Variants in FERMT2 observed in about 807,000 individuals in gnomAD.
FERMT2 encodes the protein FERM domain containing kindlin 2.
In FERMT2, 15 loss-of-function variants were observed where a neutral mutation model predicts 82.7. That is an observed-to-expected ratio of 0.18 (90% CI 0.12 to 0.28). FERMT2 has a LOEUF of 0.28. Ranked by LOEUF, FERMT2 falls within the 10% of genes least tolerant of loss-of-function variation. The probability of loss-of-function intolerance (pLI) is 1.00; values close to 1 mark genes in which losing one functional copy is unlikely to be tolerated. For missense variants in FERMT2, 645 were observed against 809.4 expected, an observed-to-expected ratio of 0.80 and a Z score of 2.46; for synonymous variants, 274 against 271.5, an observed-to-expected ratio of 1.01 and a Z score of -0.09.
intron 8 of FERMT2, among the ~76,000 whole-genome samples, chr14:52,874,976 C>G (rs1268214602): frequency 6.6e-6 from 1 of 152,054 alleles, no homozygotes; most frequent in African/African-American, 2.4e-5. Flanking sequence ...ATGGCTTGAG[C>G]CCTGGAGTTT....
chr14:52,881,747 G>A (rs1194082362), intron 4 of FERMT2: 6 of 1,334,148 alleles, frequency 4.5e-6, no homozygotes, highest in Non-Finnish European at 2.0e-6. Flanking sequence ...GGATATAGCT[G>A]AAGCAGACAG....
chr14:52,906,311 G>A (rs1356279345), intron 3 of FERMT2, among the ~76,000 whole-genome samples: 1 of 152,188 alleles, frequency 6.6e-6, no homozygotes, highest in Non-Finnish European at 1.5e-5. Flanking sequence ...TTCCTGTCAA[G>A]GAGAACAGAA....
At chr14:52,894,992 T>C (rs1887177009) in intron 3 of FERMT2, among the ~76,000 whole-genome samples, 1 of 151,722 alleles carries the variant, frequency 6.6e-6, no homozygotes, top group African/African-American at 2.4e-5. Flanking sequence ...CACACATATC[T>C]GACAAAAGTC....
intron 3 of FERMT2, among the ~76,000 whole-genome samples, chr14:52,900,532 A>G (rs1344121556): frequency 1.3e-5 from 2 of 152,198 alleles, no homozygotes; most frequent in East Asian, 1.9e-4. Context: ...ATAAACCTAT[A>G]AGGGCCCCCA....
chr14:52,948,028 C>A (rs1007323156), intron 2 of FERMT2, among the ~76,000 whole-genome samples: 23 of 152,180 alleles, frequency 1.5e-4, no homozygotes, highest in Admixed American at 1.5e-3. Context: ...GCTCTGGTGT[C>A]TTCTGTTCAT....
chr14:52,859,714 C>T lies in FERMT2; in HGVS notation c.1728G>A (p.Arg576=), dbSNP rs773491542. 1 of 1,563,150 alleles carries T rather than the reference C, an allele frequency of 6.4e-7. No homozygotes were observed. Among genetic ancestry groups the T allele is most frequent in the African/African-American group, 1.4e-5 (1 of 72,980 alleles). Residue 576 remains arginine, a splice_region_variant and synonymous_variant, in exon 14 of 15, where the codon AGG becomes AGA. Transcript: ENST00000341590. ...GTTCTTCTTTTTTGCCCCCTTGGAACCTATAACATTTAAGAAAAGAACGGT... is the reference window on the plus strand; with the variant it reads ...GTTCTTCTTTTTTGCCCCCTTGGAATCTATAACATTTAAGAAAAGAACGGT... The part of the protein sequence containing the change: ...PEFGITHFIA[R]FQGGKKEELI...
intron 3 of FERMT2, among the ~76,000 whole-genome samples, chr14:52,898,086 C>A (rs1230197556): frequency 6.6e-6 from 1 of 150,998 alleles, no homozygotes; most frequent in Non-Finnish European, 1.5e-5. Context: ...ATTTTCTGAT[C>A]GGTTTCTGAA....
At chr14:52,935,803 A>G (rs1595017532) in intron 2 of FERMT2, among the ~76,000 whole-genome samples, 1 of 152,350 alleles carries the variant, frequency 6.6e-6, no homozygotes, top group East Asian at 1.9e-4. Context: ...AAATAAAGAG[A>G]TCAACTAAGT....
chr14:52,935,868 C>G (rs894315057), intron 2 of FERMT2, among the ~76,000 whole-genome samples: 2 of 152,208 alleles, frequency 1.3e-5, no homozygotes, highest in Admixed American at 1.3e-4. Context: ...CAATTTCAAT[C>G]TATTATCCGA....
At chr14:52,886,090 G>A (rs1303989660) in intron 4 of FERMT2, among the ~76,000 whole-genome samples, 2 of 151,706 alleles carry the variant, frequency 1.3e-5, no homozygotes, top group Non-Finnish European at 2.9e-5. Context: ...AATATAAATG[G>A]CTAATAAACA....
Position 52,857,990 on chromosome 14 carries a change from A to AT in FERMT2, c.*386dup, listed in dbSNP as rs1884670610. 1 of 159,152 alleles carries AT rather than the reference A, an allele frequency of 6.3e-6. No individual in the cohort carries two copies. Among genetic ancestry groups the AT allele is most frequent in the African/African-American group, 2.4e-5 (1 of 41,676 alleles). The allele number at this position is 159,152 out of a possible 1,614,324, so 9.9% of individuals were successfully genotyped here. On this transcript the variant is annotated 3_prime_UTR_variant, in exon 15 of 15. Coordinates refer to ENST00000341590, the MANE Select transcript of FERMT2 (RefSeq NM_006832.3). ...TTTAAAACATGATATCAAATTAAAC[A>AT]TACATTAAATCACATGCATTAGACA...
chr14:52,892,074 A>G (rs1033911931), intron 4 of FERMT2, among the ~76,000 whole-genome samples: 1 of 152,218 alleles, frequency 6.6e-6, no homozygotes, highest in Non-Finnish European at 1.5e-5. Context: ...AGGGAATCTA[A>G]GAAAGCTCCT....
intron 10 of FERMT2, among the ~76,000 whole-genome samples, chr14:52,869,157 C>T (rs1315178663): frequency 1.3e-5 from 2 of 152,154 alleles, no homozygotes; most frequent in Non-Finnish European, 2.9e-5. Flanking sequence ...AAGGTTGCAA[C>T]AGATCCTGAG....
At chr14:52,925,162 C>A (rs949603305) in intron 2 of FERMT2, among the ~76,000 whole-genome samples, 6 of 152,136 alleles carry the variant, frequency 3.9e-5, no homozygotes, top group African/African-American at 1.4e-4. Flanking sequence ...GTAGCAAAAA[C>A]AAATTGTATA....
intron 2 of FERMT2, among the ~76,000 whole-genome samples, chr14:52,924,463 C>G (rs1889141119): frequency 6.6e-6 from 1 of 152,100 alleles, no homozygotes; most frequent in Non-Finnish European, 1.5e-5. Flanking sequence ...TTGGTGACAT[C>G]TCTCAAACCA....
At chr14:52,886,745 C>T (rs1263620027) in intron 4 of FERMT2, among the ~76,000 whole-genome samples, 1 of 152,088 alleles carries the variant, frequency 6.6e-6, no homozygotes, top group Admixed American at 6.5e-5. Flanking sequence ...CATATAAACA[C>T]ACAGAAACGG....
chr14:52,875,175 G>T, intron 8 of FERMT2, 48 bp downstream of exon 8: 1 of 1,516,182 alleles, frequency 6.6e-7, no homozygotes, highest in Non-Finnish European at 9.0e-7. Flanking sequence ...AAAATGGAAT[G>T]CATCAATTCA....
intron 2 of FERMT2, among the ~76,000 whole-genome samples, chr14:52,940,808 A>C (rs1005277942): frequency 1.3e-5 from 2 of 152,198 alleles, no homozygotes; most frequent in African/African-American, 4.8e-5. Flanking sequence ...GCTAAAATTA[A>C]AACAAACGAC....
At chr14:52,879,705 T>C (rs1042067821) in intron 6 of FERMT2, among the ~76,000 whole-genome samples, 25 of 152,086 alleles carry the variant, frequency 1.6e-4, no homozygotes, top group Non-Finnish European at 3.5e-4. Flanking sequence ...AATGTAAACA[T>C]AACATTAAAA....
Sources: gnomAD v4.1 joint callset for allele counts (sites outside exome capture counted in the v4.1 genomes callset) on GRCh38, gnomAD v4.1.1 for gene constraint, MANE v1.5 for transcripts, NCBI Gene and HGNC (gene_info 2026-07-23, HGNC 2026-07-21) for gene names.